Variants in DAO observed in about 807,000 individuals in gnomAD.
DAO encodes D-amino acid oxidase.
DAO carries 51 observed loss-of-function variants against 50.1 expected under a neutral mutation model. The ratio of observed to expected loss-of-function variants is 1.02; its 90% CI spans 0.81 to 1.29. The LOEUF (loss-of-function observed/expected upper bound fraction) is 1.29. Among genes scored for constraint, DAO ranks in the 50% most tolerant of loss-of-function variants. The pLI, the probability that DAO is intolerant of heterozygous loss-of-function variation, is 0.00. For synonymous variants in DAO, 160 were observed against 166.2 expected (o/e 0.96, Z 0.29); for missense variants, 436 against 439.4 (o/e 0.99, Z 0.07).
intron 7 of DAO, among the ~76,000 whole-genome samples, chr12:108,895,149 C>T (rs1440076126): frequency 1.3e-5 from 2 of 151,990 alleles, no homozygotes; most frequent in African/African-American, 4.8e-5. Context: ...CACGGTAGTA[C>T]GCAGTGCAAT....
chr12:108,900,715 C>A lies in DAO; in HGVS notation c.*180C>A. 4 of 701,610 alleles carry A rather than the reference C, an allele frequency of 5.7e-6. No homozygotes were observed. The highest frequency in any genetic ancestry group is 9.2e-6 in the Non-Finnish European group (4 of 433,782). The allele number at this position is 701,610 out of a possible 1,614,324, so 43.5% of individuals were successfully genotyped here. A position where few individuals can be genotyped will look rare whatever the true frequency, so the allele number is the denominator to read the frequency against. ...GGGTTCAGCCCAACATGGGGCCCCT[C>A]TCATCACTGAAATCCCTCTACCTTC... is the stretch of plus-strand genomic sequence containing the variant. On this transcript the variant is annotated 3_prime_UTR_variant, in exon 11 of 11. Transcript: ENST00000228476.
At chr12:108,880,856 C>A (rs1363151464) in intron 1 of DAO, among the ~76,000 whole-genome samples, 8 of 151,982 alleles carry the variant, frequency 5.3e-5, no homozygotes. Flanking sequence ...AAGCAGAAAG[C>A]ATCAAGTGGC....
At chr12:108,884,971 T>C in intron 1 of DAO, 27 bp from the exon 2 acceptor site, 1 of 1,605,038 alleles carries the variant, frequency 6.2e-7, no homozygotes, top group South Asian at 1.1e-5. Flanking sequence ...GGTGATGATG[T>C]TGTGCCTCAA....
rs763876748 is a variant in DAO at position 108,894,278 on chromosome 12, G to A, written c.523G>A (p.Ala175Thr). The A allele has an allele frequency of 2.0e-5, 33 of 1,613,722 alleles. No individual in the cohort carries two copies. Among genetic ancestry groups the A allele is most frequent in the African/African-American group, 1.1e-4 (8 of 74,894 alleles). Reference protein sequence around the residue: ...ESFEEVAREGADVIVNCTGVW... With the variant: ...ESFEEVAREGTDVIVNCTGVW... ...TTGCTACCAGGTGGCAAGAGAAGGC[G>A]CAGACGTGATTGTCAACTGCACTGG... Residue 175 changes from alanine to threonine, a missense_variant, in exon 7 of 11, where the codon GCA becomes ACA. Coordinates refer to ENST00000228476, the MANE Select transcript of DAO (RefSeq NM_001917.5).
intron 3 of DAO, among the ~76,000 whole-genome samples, chr12:108,889,144 G>C (rs1208801100): frequency 4.0e-5 from 6 of 150,240 alleles, no homozygotes; most frequent in Admixed American, 4.0e-4. Context: ...CTCGCTCTGT[G>C]GCCCAGGCTG....
chr12:108,895,199 C>A (rs978665512), intron 7 of DAO, among the ~76,000 whole-genome samples: 4 of 141,866 alleles, frequency 2.8e-5, no homozygotes, highest in Middle Eastern at 3.6e-3. Flanking sequence ...AGAGCCTGTG[C>A]GTGCAAGCAT....
chr12:108,894,147 C>T (rs2039520984), intron 6 of DAO, 116 bp from the exon 7 acceptor site: 2 of 799,512 alleles, frequency 2.5e-6, no homozygotes, highest in Admixed American at 4.0e-5. Context: ...GAGACCTCTC[C>T]CCACTGTTCA....
chr12:108,898,316 A>G (rs560288978), intron 8 of DAO, among the ~76,000 whole-genome samples: 1 of 152,274 alleles, frequency 6.6e-6, no homozygotes, highest in Admixed American at 6.5e-5. Flanking sequence ...CAGAGCTGAC[A>G]GTCTCAAAGG....
intron 6 of DAO, 65 bp from the exon 7 acceptor site, chr12:108,894,198 G>A: frequency 8.2e-7 from 1 of 1,222,462 alleles, no homozygotes; most frequent in South Asian, 1.3e-5. Context: ...AAGGGGAAGA[G>A]AGAACAGGGA....
At chr12:108,895,265 GTA>G (rs891658149) in intron 7 of DAO, among the ~76,000 whole-genome samples, 38 of 149,792 alleles carry the variant, frequency 2.5e-4, no homozygotes, top group South Asian at 8.3e-4. Context: ...GTGTGTGCAT[GTA>G]TGTGTGTGTG....
chr12:108,900,258 C>A (rs1414101346), intron 10 of DAO, 146 bp from the exon 11 acceptor site: 1 of 1,001,518 alleles, frequency 1.0e-6, no homozygotes, highest in Non-Finnish European at 1.5e-6. Flanking sequence ...CACCATTCCA[C>A]CCCGGTGCCA....
At chr12:108,887,685 C>T in intron 3 of DAO, 121 bp downstream of exon 3, 2 of 765,274 alleles carry the variant, frequency 2.6e-6, no homozygotes, top group South Asian at 2.8e-5. Flanking sequence ...AGGCAACAGA[C>T]TCCTGGGTTC....
At chr12:108,881,782 T>G (rs2039384788) in intron 1 of DAO, among the ~76,000 whole-genome samples, 1 of 151,776 alleles carries the variant, frequency 6.6e-6, no homozygotes. Context: ...TTTTTTTGTA[T>G]TTTTGTAGAG....
At chr12:108,896,960 A>G in intron 7 of DAO, 46 bp from the exon 8 acceptor site, 1 of 1,463,202 alleles carries the variant, frequency 6.8e-7, no homozygotes. Context: ...GGGCAGCCAC[A>G]TTGACTCACC....
chr12:108,892,915 C>A, intron 5 of DAO, 67 bp from the exon 6 acceptor site: 1 of 1,463,118 alleles, frequency 6.8e-7, no homozygotes, highest in Non-Finnish European at 9.6e-7. Context: ...GGTCCCTGTG[C>A]CACCCTCTTG....
chr12:108,881,601 ATTTTTT>A (rs34780883), intron 1 of DAO, among the ~76,000 whole-genome samples: 26 of 99,208 alleles, frequency 2.6e-4, no homozygotes, highest in Admixed American at 2.5e-3. Context: ...TTCCTTTTAA[ATTTTTT>A]TTTTTTTTTT....
chr12:108,885,075 C>T lies in DAO; in HGVS notation c.69C>T (p.Tyr23=). 1 of 1,614,186 alleles carries T rather than the reference C, an allele frequency of 6.2e-7. No individual in the cohort carries two copies. Residue 23 remains tyrosine (Y), a synonymous_variant, in exon 2 of 11, where the codon TAC becomes TAT. Transcript: ENST00000228476. ...LSTALCIHER[Y]HSVLQPLDIK... is the part of the protein sequence containing the mutation. ...CCGCCCTCTGCATCCATGAGCGCTA[C>T]CACTCAGTCCTGCAGCCACTGGACA...
At chr12:108,882,262 T>C (rs2039389455) in intron 1 of DAO, among the ~76,000 whole-genome samples, 1 of 152,172 alleles carries the variant, frequency 6.6e-6, no homozygotes, top group Non-Finnish European at 1.5e-5. Flanking sequence ...CCTGTAATCC[T>C]AGCACTTTGA....
chr12:108,896,955 G>T, intron 7 of DAO, 51 bp from the exon 8 acceptor site: 1 of 1,405,782 alleles, frequency 7.1e-7, no homozygotes, highest in Non-Finnish European at 1.0e-6. Flanking sequence ...AGCAAGGGCA[G>T]CCACATTGAC....
Sources: gnomAD v4.1 joint callset for allele counts (sites outside exome capture counted in the v4.1 genomes callset) on GRCh38, gnomAD v4.1.1 for gene constraint, MANE v1.5 for transcripts, NCBI Gene and HGNC (gene_info 2026-07-23, HGNC 2026-07-21) for gene names.